Variants in WDR43 observed in about 807,000 individuals in gnomAD.
WDR43 encodes WD repeat-containing protein 43.
In WDR43, 13 loss-of-function variants were observed where a neutral mutation model predicts 91.4. The observed-to-expected ratio is 0.14, with a 90% CI of 0.09 to 0.23. The LOEUF is 0.23. WDR43 is among the 10% of genes least tolerant of loss of function. The probability of loss-of-function intolerance (pLI) is 1.00; values close to 1 mark genes in which losing one functional copy is unlikely to be tolerated. For synonymous variants in WDR43, 331 were observed against 287.9 expected, an observed-to-expected ratio of 1.15 and a Z score of -1.51; for missense variants, 780 against 809.4, an observed-to-expected ratio of 0.96 and a Z score of 0.44.
chr2:28,898,669 G>C (rs933869718), intron 1 of WDR43, among the ~76,000 whole-genome samples: 1 of 151,946 alleles, frequency 6.6e-6, no homozygotes, highest in African/African-American at 2.4e-5. Flanking sequence ...AGTGGATTAT[G>C]TAATAAACTT....
intron 1 of WDR43, among the ~76,000 whole-genome samples, chr2:28,901,487 G>A (rs1319442302): frequency 5.3e-5 from 8 of 152,202 alleles, no homozygotes; most frequent in African/African-American, 1.9e-4. Flanking sequence ...GTTAATGCAC[G>A]TTTATAAAGG....
At chr2:28,931,942 C>T (rs1242975960) in intron 11 of WDR43, among the ~76,000 whole-genome samples, 3 of 140,720 alleles carry the variant, frequency 2.1e-5, no homozygotes, top group East Asian at 2.2e-4. Context: ...AGCAGTGTTG[C>T]AATTGTAGCT....
At chr2:28,920,155 T>C (rs1341620129) in intron 6 of WDR43, among the ~76,000 whole-genome samples, 1 of 151,630 alleles carries the variant, frequency 6.6e-6, no homozygotes, top group Non-Finnish European at 1.5e-5. Context: ...CCCCTGTGAC[T>C]GTAAAATAAA....
chr2:28,900,824 A>T (rs75508594), intron 1 of WDR43, among the ~76,000 whole-genome samples: 2 of 54,692 alleles, frequency 3.7e-5, no homozygotes, highest in East Asian at 2.3e-4. Flanking sequence ...GATGTGTATT[A>T]TTTTTTTCTG....
At chr2:28,925,928 T>C (rs904361206) in intron 8 of WDR43, among the ~76,000 whole-genome samples, 1 of 152,212 alleles carries the variant, frequency 6.6e-6, no homozygotes, top group Admixed American at 6.5e-5. Flanking sequence ...ATTAATTACA[T>C]GGGCATATAG....
chr2:28,912,734 A>G (rs1270086200), intron 4 of WDR43, 24 bp downstream of exon 4: 4 of 1,610,416 alleles, frequency 2.5e-6, no homozygotes, highest in Non-Finnish European at 2.5e-6. Flanking sequence ...ATTATTTGTA[A>G]GCATAAAAAT....
chr2:28,900,779 A>G (rs964218693), intron 1 of WDR43, among the ~76,000 whole-genome samples: 1 of 152,114 alleles, frequency 6.6e-6, no homozygotes, highest in Non-Finnish European at 1.5e-5. Flanking sequence ...GTACATTTCT[A>G]AGGACTTGCA....
Position 28,904,477 on chromosome 2 carries a change from G to A in WDR43, c.364-1983G>A, listed in dbSNP as rs536828021. Among the ~76,000 whole-genome samples, 22 of 152,286 alleles carry A rather than the reference G, an allele frequency of 1.4e-4. No homozygotes were observed. The South Asian group carries it at 3.5e-3, about 24-fold the overall frequency. ...ACATCGCTAAATTGCTTTCCAAAAG[G>A]GTATGCTAGTTTACACTGCTGCTGG... is the stretch of plus-strand genomic sequence containing the variant. On this transcript the variant is annotated intron_variant, in intron 2 of 17. Transcript: ENST00000407426.
intron 14 of WDR43, among the ~76,000 whole-genome samples, chr2:28,940,571 A>G (rs62132029): frequency 3.9e-4 from 60 of 152,316 alleles, no homozygotes; most frequent in African/African-American, 1.4e-3. Flanking sequence ...AGGAAAATTA[A>G]CCAGAGGCAG....
intron 3 of WDR43, among the ~76,000 whole-genome samples, chr2:28,909,681 T>G (rs1437839283): frequency 6.6e-6 from 1 of 152,090 alleles, no homozygotes; most frequent in Non-Finnish European, 1.5e-5. Flanking sequence ...GAGACTGTCC[T>G]GGGAAACATA....
chr2:28,894,931 G>C lies in WDR43; in HGVS notation c.225+8G>C. The C allele has an allele frequency of 6.4e-7, 1 of 1,564,954 alleles. No individual in the cohort carries two copies. The highest frequency in any genetic ancestry group is 8.7e-7 in the Non-Finnish European group (1 of 1,155,348). ...GCGCGGCTGCAGGCCAAGGTAAAGC[G>C]AGCGGGACTGCGCGGGGCGGGCGCC... On this transcript the variant is annotated splice_region_variant and intron_variant, in intron 1 of 17. Coordinates refer to ENST00000407426, the MANE Select transcript of WDR43 (RefSeq NM_015131.3).
chr2:28,906,565 A>C lies in WDR43; in HGVS notation c.469A>C (p.Thr157Pro). ...DKHIVEWNVQ[T>P]CKVKCKWKGD... ...ACATATTGTGGAATGGAACGTACAG[A>C]CATGCAAAGTAAAGTGGTGAGTAAC... The change falls in exon 3 of 18, where the codon ACA (threonine) becomes CCA (proline). Residue 157 changes from threonine to proline, a missense_variant. Thr to Pro is a conservative substitution (Grantham distance 38). Coordinates refer to ENST00000407426, the MANE Select transcript of WDR43 (RefSeq NM_015131.3). 1 of 1,612,004 alleles carries C rather than the reference A, an allele frequency of 6.2e-7. No homozygotes were observed. Among genetic ancestry groups the C allele is most frequent in the East Asian group, 2.2e-5 (1 of 44,850 alleles).
chr2:28,942,806 A>G (rs1671466089), intron 16 of WDR43, among the ~76,000 whole-genome samples: 1 of 151,836 alleles, frequency 6.6e-6, no homozygotes, highest in Admixed American at 6.6e-5. Context: ...TTGTAAAGAC[A>G]GAGTTTCACT....
chr2:28,922,558 C>T (rs999886940), intron 6 of WDR43, among the ~76,000 whole-genome samples: 1 of 152,114 alleles, frequency 6.6e-6, no homozygotes, highest in African/African-American at 2.4e-5. Flanking sequence ...TGAGGTCTTA[C>T]AACACCCCTT....
At chr2:28,924,576 A>G (rs192336201) in intron 7 of WDR43, among the ~76,000 whole-genome samples, 35 of 152,170 alleles carry the variant, frequency 2.3e-4, no homozygotes, top group East Asian at 9.7e-4. Context: ...TGAGGACACA[A>G]TTTTGCTGCT....
At chr2:28,924,682 AC>A (rs1413193156) in intron 7 of WDR43, among the ~76,000 whole-genome samples, 1 of 152,076 alleles carries the variant, frequency 6.6e-6, no homozygotes, top group Non-Finnish European at 1.5e-5. Context: ...ACCATACAGG[AC>A]CTGAAGTACA....
chr2:28,901,852 T>C, intron 1 of WDR43, 135 bp from the exon 2 acceptor site: 1 of 849,692 alleles, frequency 1.2e-6, no homozygotes, highest in Middle Eastern at 3.7e-4. Context: ...TAGTGAGAAG[T>C]AAATCACCCA....
At position 28,946,710 on chromosome 2, in the gene WDR43, T is replaced by A; in HGVS notation, c.1965T>A (p.Asp655Glu). Residue 655 changes from aspartate (D) to glutamate (E), a missense_variant, in exon 18 of 18, where the codon GAT becomes GAA. By Grantham distance (45) the Asp-to-Glu change is conservative. Around this residue, in one of 4 missense-constraint regions of WDR43, gnomAD observed 426 missense variants for 467.8 expected, o/e 0.91. Coordinates refer to ENST00000407426, the MANE Select transcript of WDR43 (RefSeq NM_015131.3). ...GKDEENGEDR[D>E]TASEKELNGD... Reference sequence around the variant, plus strand: ...ATGAAGAAAATGGCGAGGACAGAGATACAGCAAGTGAAAAAGAATTAAATG... The same window carrying A: ...ATGAAGAAAATGGCGAGGACAGAGAAACAGCAAGTGAAAAAGAATTAAATG... 1 of 1,581,940 alleles carries A rather than the reference T, an allele frequency of 6.3e-7. No homozygotes were observed. Among genetic ancestry groups the A allele is most frequent in the Non-Finnish European group, 8.6e-7 (1 of 1,163,822 alleles).
At chr2:28,929,270 A>G (rs958416450) in intron 10 of WDR43, among the ~76,000 whole-genome samples, 3 of 152,176 alleles carry the variant, frequency 2.0e-5, no homozygotes, top group African/African-American at 7.2e-5. Flanking sequence ...TGTGTTCTAG[A>G]ATCAGATGCC....
Sources: allele counts gnomAD v4.1 joint callset (sites outside exome capture counted in the v4.1 genomes callset), GRCh38; gene constraint gnomAD v4.1.1; regional missense constraint gnomAD v4.1.1; transcripts MANE v1.5; gene names NCBI Gene and HGNC (gene_info 2026-07-23, HGNC 2026-07-21).